The following CFI variants were observed in gnomAD, a reference collection of about 807,000 sequenced individuals.
CFI encodes complement factor I.
A neutral mutation model predicts 78.8 loss-of-function variants in CFI; 66 were observed. The observed-to-expected ratio is 0.84, with a 90% confidence interval of 0.69 to 1.03. The LOEUF (loss-of-function observed/expected upper bound fraction) is 1.03. Among genes scored for constraint, CFI ranks in the 50% least tolerant of loss-of-function variants. CFI has a pLI of 0.00. For missense variants in CFI, 706 were observed against 704.5 expected (o/e 1.00, Z -0.02); for synonymous variants, 250 against 232.6 (o/e 1.07, Z -0.68).
chr4:109,782,941 T>A (rs1036996588), intron 1 of CFI, among the ~76,000 whole-genome samples: 1 of 152,122 alleles, frequency 6.6e-6, no homozygotes, highest in African/African-American at 2.4e-5. Flanking sequence ...GACACCCTTT[T>A]CAACAAATGG....
At chr4:109,753,552 T>A (rs1357476431) in intron 7 of CFI, among the ~76,000 whole-genome samples, 1 of 15,502 alleles carries the variant, frequency 6.5e-5, no homozygotes, top group Non-Finnish European at 1.4e-4. Context: ...ATATATTTAT[T>A]ATATAAATAA....
chr4:109,739,094 C>T (rs1579144947), downstream of CFI, among the ~76,000 whole-genome samples: 1 of 152,044 alleles, frequency 6.6e-6, no homozygotes, highest in Non-Finnish European at 1.5e-5. Flanking sequence ...TTATGTTATA[C>T]ATATTTTACC....
chr4:109,796,220 T>C (rs1732036885), intron 1 of CFI, among the ~76,000 whole-genome samples: 1 of 151,936 alleles, frequency 6.6e-6, no homozygotes, highest in Non-Finnish European at 1.5e-5. Flanking sequence ...GATAATATAT[T>C]CAAAGTGTCA....
chr4:109,770,722 A>G (rs1032369180), intron 1 of CFI, among the ~76,000 whole-genome samples: 3 of 151,994 alleles, frequency 2.0e-5, no homozygotes, highest in Non-Finnish European at 4.4e-5. Context: ...GGCATAAACC[A>G]TAAGGTCAAA....
At chr4:109,746,534 A>G (rs1162059990) in intron 10 of CFI, 32 bp from the exon 11 acceptor site, 4 of 1,499,542 alleles carry the variant, frequency 2.7e-6, no homozygotes, top group South Asian at 1.3e-5. Context: ...AATAAAATAT[A>G]TTGAGAAAAA....
intron 11 of CFI, among the ~76,000 whole-genome samples, chr4:109,744,694 C>T (rs1377276236): frequency 6.6e-6 from 1 of 152,078 alleles, no homozygotes; most frequent in Admixed American, 6.6e-5. Context: ...CCTGTGATTC[C>T]CCAACCCCCT....
intron 10 of CFI, among the ~76,000 whole-genome samples, chr4:109,746,977 T>C (rs1188859275): frequency 2.0e-5 from 3 of 152,174 alleles, no homozygotes; most frequent in Non-Finnish European, 2.9e-5. Context: ...TAACATTGCA[T>C]TGTATTTATT....
chr4:109,766,391 C>A (rs937828215), intron 2 of CFI, among the ~76,000 whole-genome samples, 163 bp downstream of exon 2: 2 of 152,146 alleles, frequency 1.3e-5, no homozygotes, highest in Non-Finnish European at 2.9e-5. Context: ...ATTCTGGCAA[C>A]CCCTGATTTG....
intron 11 of CFI, among the ~76,000 whole-genome samples, chr4:109,743,486 C>G (rs1280491081): frequency 1.3e-5 from 2 of 152,170 alleles, no homozygotes; most frequent in East Asian, 3.9e-4. Context: ...GAGAGCTGGA[C>G]TTCATCTTTC....
intron 1 of CFI, chr4:109,793,593 T>G (rs926249716): frequency 6.6e-6 from 1 of 152,190 alleles, no homozygotes; most frequent in Non-Finnish European, 1.5e-5. Flanking sequence ...AGTGGTGTAG[T>G]CAGAGCTCAC....
intron 7 of CFI, among the ~76,000 whole-genome samples, chr4:109,756,001 G>C (rs1381895447): frequency 6.7e-6 from 1 of 150,294 alleles, no homozygotes; most frequent in Non-Finnish European, 1.5e-5. Flanking sequence ...GTAATGAGTT[G>C]TGAAAAGAAA....
chr4:109,753,507 A>AT (rs1561293762), intron 7 of CFI, among the ~76,000 whole-genome samples: 1 of 18,378 alleles, frequency 5.4e-5, no homozygotes, highest in African/African-American at 1.4e-4. Context: ...TAATATATTT[A>AT]TTATATAAAT....
Position 109,771,284 on chromosome 4 carries a change from T to G in CFI, c.58-4460A>C, listed in dbSNP as rs144854132. On this transcript the variant is annotated intron_variant, in intron 1 of 12. Coordinates refer to ENST00000394634, the MANE Select transcript of CFI (RefSeq NM_000204.5). ...AAAAATTAGCCAGGCAGGCTGTGCATGGTGGCTCATGCCTATCATCCCAGC... is the reference window on the plus strand; with the variant it reads ...AAAAATTAGCCAGGCAGGCTGTGCAGGGTGGCTCATGCCTATCATCCCAGC... Among the ~76,000 whole-genome samples, 835 of 151,178 alleles carry G rather than the reference T, an allele frequency of 5.5e-3. 9 individuals carry two copies. Among genetic ancestry groups the G allele is most frequent in the African/African-American group, 0.019 (780 of 41,156 alleles).
chr4:109,749,575 G>C lies in CFI; in HGVS notation c.968C>G (p.Pro323Arg). ...GTTTTTAACTCCACAAGATAGTTTA[G>C]GTAATAATGATTTTATCCGTCTTCT... The part of the protein sequence containing the change: ...AERRRIKSLL[P>R]KLSCGVKNRM... Residue 323 changes from proline (P) to arginine (R), a missense_variant, in exon 9 of 13, where the codon CCT (proline) becomes CGT (arginine). Physicochemically the swap from Pro to Arg is moderately radical, Grantham distance 103. Coordinates refer to ENST00000394634, the MANE Select transcript of CFI (RefSeq NM_000204.5). 2 of 1,609,200 alleles carry C rather than the reference G, an allele frequency of 1.2e-6. No homozygotes were observed. The highest frequency in any genetic ancestry group is 1.7e-6 in the Non-Finnish European group (2 of 1,175,646).
intron 1 of CFI, among the ~76,000 whole-genome samples, chr4:109,776,804 T>A (rs1252342811): frequency 6.6e-6 from 1 of 152,014 alleles, no homozygotes; most frequent in African/African-American, 2.4e-5. Context: ...CAGAAGAGAG[T>A]GGGAGCCAAT....
intron 8 of CFI, among the ~76,000 whole-genome samples, chr4:109,751,913 T>C (rs943952402): frequency 2.0e-5 from 3 of 152,204 alleles, no homozygotes; most frequent in African/African-American, 7.2e-5. Flanking sequence ...TTATAGCTAA[T>C]ACATAACTGA....
intron 10 of CFI, among the ~76,000 whole-genome samples, chr4:109,748,241 G>A (rs142974566): frequency 6.6e-6 from 1 of 152,266 alleles, no homozygotes; most frequent in Non-Finnish European, 1.5e-5. Context: ...ATCACAGGTT[G>A]TAAATATTAT....
At chr4:109,769,732 G>A (rs1414389437) in intron 1 of CFI, among the ~76,000 whole-genome samples, 1 of 152,126 alleles carries the variant, frequency 6.6e-6, no homozygotes, top group Non-Finnish European at 1.5e-5. Context: ...TTCTGCTGAG[G>A]TTGCTTACCT....
At chr4:109,779,309 A>G (rs1280317185) in intron 1 of CFI, among the ~76,000 whole-genome samples, 1 of 152,208 alleles carries the variant, frequency 6.6e-6, no homozygotes, top group Non-Finnish European at 1.5e-5. Flanking sequence ...ATCAATGTGC[A>G]AAAATCACCA....
Sources: allele counts gnomAD v4.1 joint callset (sites outside exome capture counted in the v4.1 genomes callset), GRCh38; gene constraint gnomAD v4.1.1; transcripts MANE v1.5; gene names NCBI Gene and HGNC (gene_info 2026-07-23, HGNC 2026-07-21).